The following KSR1 variants were observed in gnomAD, a reference collection of about 807,000 sequenced individuals.
KSR1 encodes kinase suppressor of ras 1, also known as kinase suppressor of ras.
In KSR1, 35 loss-of-function variants were observed where a neutral mutation model predicts 92.9. That is an observed-to-expected ratio of 0.38 (90% CI 0.29 to 0.50). The LOEUF (loss-of-function observed/expected upper bound fraction) is 0.50. Among genes scored for constraint, KSR1 ranks in the 20% least tolerant of loss-of-function variants. KSR1 has a pLI of 0.94. For synonymous variants in KSR1, 467 were observed against 472.6 expected (o/e 0.99, Z 0.15); for missense variants, 972 against 1,158.5 (o/e 0.84, Z 2.34).
chr17:27,557,692 G>A (rs1255159158), intron 2 of KSR1, among the ~76,000 whole-genome samples: 1 of 152,212 alleles, frequency 6.6e-6, no homozygotes, highest in Non-Finnish European at 1.5e-5. Flanking sequence ...GATGGCTGCT[G>A]CTTCTGGACA....
intron 1 of KSR1, among the ~76,000 whole-genome samples, chr17:27,497,869 CT>C (rs1392195659): frequency 6.6e-6 from 1 of 152,154 alleles, no homozygotes; most frequent in African/African-American, 2.4e-5. Flanking sequence ...AGAGATCTTA[CT>C]GGAAAGTCTG....
At chr17:27,510,312 A>G (rs2069552160) in intron 1 of KSR1, among the ~76,000 whole-genome samples, 1 of 151,830 alleles carries the variant, frequency 6.6e-6, no homozygotes, top group Admixed American at 6.6e-5. Flanking sequence ...GACCTCTGGC[A>G]CGTCACTTCA....
In KSR1 at chr17:27,611,606, G is replaced by C. The variant is rs1235767559; in HGVS notation, c.2470G>C (p.Val824Leu). The C allele has an allele frequency of 1.2e-6, 2 of 1,613,874 alleles. No homozygotes were observed. The highest frequency in any genetic ancestry group is 4.5e-5 in the East Asian group (2 of 44,872). The stretch of plus-strand genomic sequence containing the variant: ...AGGAATGAAGCGTGTCCTGACTTCT[G>C]TCAGCTTGGGGAAGGAAGTCAGTGT... Reference protein sequence around the residue: ...GEGMKRVLTSVSLGKEVSEIL... With the variant: ...GEGMKRVLTSLSLGKEVSEIL... Residue 824 changes from valine to leucine, a missense_variant, in exon 18 of 21, where the codon GTC becomes CTC. This residue lies in a region of KSR1 where 260 missense variants were observed against 375.2 expected (regional missense o/e 0.69). Coordinates refer to ENST00000644974, the MANE Select transcript of KSR1 (RefSeq NM_001394583.1).
chr17:27,526,058 C>CTTTCTT (rs1323744959), intron 1 of KSR1, among the ~76,000 whole-genome samples: 27 of 50,988 alleles, frequency 5.3e-4, no homozygotes, highest in Admixed American at 9.3e-4. Context: ...CTCTCTCTCT[C>CTTTCTT]TCTCTTTCTT....
intron 1 of KSR1, among the ~76,000 whole-genome samples, chr17:27,466,195 C>T (rs2019685016): frequency 6.6e-6 from 1 of 152,210 alleles, no homozygotes; most frequent in Non-Finnish European, 1.5e-5. Flanking sequence ...AGACAAGAAA[C>T]TGTTGGCTCA....
At chr17:27,461,097 T>G (rs1412307113) in intron 1 of KSR1, among the ~76,000 whole-genome samples, 1 of 152,180 alleles carries the variant, frequency 6.6e-6, no homozygotes, top group East Asian at 1.9e-4. Flanking sequence ...TTTGTTTTTC[T>G]TTTAGTCAGA....
Position 27,588,629 on chromosome 17 carries a change from T to C in KSR1, c.1046+94T>C, listed in dbSNP as rs768816062. The C allele has an allele frequency of 8.7e-5, 101 of 1,165,018 alleles. 1 individual carries two copies. The highest frequency in any genetic ancestry group is 1.3e-4 in the East Asian group (5 of 37,106). The allele number at this position is 1,165,018 out of a possible 1,614,324, so 72.2% of individuals were successfully genotyped here. A position where few individuals can be genotyped will look rare whatever the true frequency, so the allele number is the denominator to read the frequency against. ...CTGGTCACTGTTTCTCAGCGAGCTC[T>C]TTGCCTCTGACGGGCCTGTCCATTT... On this transcript the variant is annotated intron_variant, in intron 6 of 20. Coordinates refer to ENST00000644974, the MANE Select transcript of KSR1 (RefSeq NM_001394583.1).
chr17:27,602,440 G>A (rs1336645056), intron 11 of KSR1, among the ~76,000 whole-genome samples: 1 of 152,216 alleles, frequency 6.6e-6, no homozygotes, highest in Non-Finnish European at 1.5e-5. Flanking sequence ...TCTTCTCCCA[G>A]AAGGGTCCAT....
chr17:27,589,284 G>C (rs1012338980), intron 6 of KSR1, among the ~76,000 whole-genome samples: 4 of 152,158 alleles, frequency 2.6e-5, no homozygotes, highest in African/African-American at 9.7e-5. Flanking sequence ...TAGGCAGAAG[G>C]CAGAATTCAA....
chr17:27,577,495 AT>A lies in KSR1; in HGVS notation c.377del (p.Ile126ThrfsTer13). ...FNVRPEVVQE[I>X]PRDLTLDALL... is the part of the protein sequence containing the mutation. The stretch of plus-strand genomic sequence containing the variant: ...GCCTGTCCCTCTGTCCCCTTAGGAG[AT>A]CCCCCGAGACCTCACGCTGGATGCC... On this transcript the variant is annotated frameshift_variant, in exon 3 of 21. Coordinates refer to ENST00000644974, the MANE Select transcript of KSR1 (RefSeq NM_001394583.1). LOFTEE classifies it high-confidence loss of function. This position sits in a 1 kb window ranked among gnomAD's most constrained non-coding sequence, Gnocchi z 4.5. 6.5e-7 allele frequency: 1 copy of A among 1,530,358 alleles called. No individual in the cohort carries two copies. Among genetic ancestry groups the A allele is most frequent in the South Asian group, 1.2e-5 (1 of 84,860 alleles). 94.8% of individuals were successfully genotyped at this position (1,530,358 alleles called of 1,614,324 possible). A position where few individuals can be genotyped will look rare whatever the true frequency, so the allele number is the denominator to read the frequency against.
chr17:27,591,874 C>T (rs955476256), intron 7 of KSR1, among the ~76,000 whole-genome samples: 1 of 152,244 alleles, frequency 6.6e-6, no homozygotes, highest in African/African-American at 2.4e-5. Flanking sequence ...CAGTGAGAAT[C>T]CAGTTCTTTC....
At chr17:27,473,821 G>C (rs1054947347) in intron 1 of KSR1, among the ~76,000 whole-genome samples, 1 of 152,122 alleles carries the variant, frequency 6.6e-6, no homozygotes, top group Non-Finnish European at 1.5e-5. Flanking sequence ...TCTTTTTAGG[G>C]GACAGGAAGC....
At chr17:27,614,201 T>C (rs1428349025) in intron 18 of KSR1, among the ~76,000 whole-genome samples, 1 of 152,248 alleles carries the variant, frequency 6.6e-6, no homozygotes, top group East Asian at 1.9e-4. Flanking sequence ...GCTCATTACC[T>C]CAAATCATTA....
intron 1 of KSR1, among the ~76,000 whole-genome samples, chr17:27,474,366 C>CTG (rs1329431447): frequency 1.3e-5 from 2 of 152,244 alleles, no homozygotes; most frequent in Non-Finnish European, 2.9e-5. Context: ...TAAAGCTCTG[C>CTG]TGGACCATGG....
intron 1 of KSR1, among the ~76,000 whole-genome samples, chr17:27,505,457 G>A (rs903419937): frequency 1.3e-5 from 2 of 152,222 alleles, no homozygotes; most frequent in Admixed American, 6.5e-5. Flanking sequence ...TGATTTGCTC[G>A]GATGCAGGCA....
rs879102814 is a variant in KSR1, at chr17:27,507,821, T to G, written c.232-42747T>G. Among the ~76,000 whole-genome samples the G allele has an allele frequency of 2.0e-5, 3 of 152,212 alleles. No homozygotes were observed. The East Asian group carries it at 5.8e-4, about 29-fold the overall frequency. On this transcript the variant is annotated intron_variant, in intron 1 of 20. Transcript: ENST00000644974. Reference sequence around the variant, plus strand: ...AACTCCCAACCTCAGGTGATCCACCTGCGTCAGCGTCCCAAAGTGCTGGGA... The same window carrying G: ...AACTCCCAACCTCAGGTGATCCACCGGCGTCAGCGTCCCAAAGTGCTGGGA...
At chr17:27,506,760 C>A (rs887025956) in intron 1 of KSR1, among the ~76,000 whole-genome samples, 1 of 150,794 alleles carries the variant, frequency 6.6e-6, no homozygotes, top group Non-Finnish European at 1.5e-5. Context: ...TTGGGCTCCG[C>A]AGGTGTCATG....
At chr17:27,621,380 T>C (rs2074219128) in intron 20 of KSR1, 107 bp downstream of exon 20, 1 of 396,484 alleles carries the variant, frequency 2.5e-6, no homozygotes, top group South Asian at 1.4e-4. Flanking sequence ...CTTTGTGTCA[T>C]TTATTCTCGC....
At chr17:27,549,519 G>C (rs1273445196) in intron 1 of KSR1, among the ~76,000 whole-genome samples, 1 of 152,170 alleles carries the variant, frequency 6.6e-6, no homozygotes, top group East Asian at 1.9e-4. Flanking sequence ...GTGTTTGTCG[G>C]GTTTACCCAA....
Sources: gnomAD v4.1 joint callset for allele counts (sites outside exome capture counted in the v4.1 genomes callset) on GRCh38, gnomAD v4.1.1 for gene constraint, gnomAD v4.1.1 regional missense constraint, Gnocchi (gnomAD v3.1) non-coding constraint, MANE v1.5 for transcripts, NCBI Gene and HGNC (gene_info 2026-07-23, HGNC 2026-07-21) for gene names.